DGKB: variants seen among roughly 807,000 people sequenced by gnomAD.
The protein encoded by DGKB is diacylglycerol kinase beta.
DGKB carries 67 observed loss-of-function variants against 114.3 expected under a neutral mutation model. That is an observed-to-expected ratio of 0.59 (90% CI 0.48 to 0.72). DGKB has a LOEUF of 0.72. DGKB is among the 30% of genes least tolerant of loss of function. The probability of loss-of-function intolerance (pLI) is 0.00; values close to 1 mark genes in which losing one functional copy is unlikely to be tolerated. For synonymous variants in DGKB, 398 were observed against 323.1 expected (o/e 1.23, Z -2.49); for missense variants, 907 against 975.2 (o/e 0.93, Z 0.93).
chr7:14,367,362 G>A (rs1474075406), intron 21 of DGKB, among the ~76,000 whole-genome samples: 1 of 151,960 alleles, frequency 6.6e-6, no homozygotes, highest in Non-Finnish European at 1.5e-5. Context: ...TTCCCATGCT[G>A]TTCTCCTGTT....
At chr7:14,813,900 T>A (rs1476223642) in intron 2 of DGKB, among the ~76,000 whole-genome samples, 1 of 152,192 alleles carries the variant, frequency 6.6e-6, no homozygotes, top group African/African-American at 2.4e-5. Context: ...ATGTGTTTGC[T>A]TTTGATGAAC....
chr7:14,952,546 T>TA (rs147939018), intron 1 of DGKB, among the ~76,000 whole-genome samples: 7,259 of 148,284 alleles, frequency 0.049, 493 homozygotes, highest in African/African-American at 0.16. Flanking sequence ...TCCTCAAAAT[T>TA]AAAAAAAAAA....
At position 14,908,862 on chromosome 7, in the gene DGKB, C is replaced by T. The variant is rs1279523023; in HGVS notation, c.-188+65834G>A. Among the ~76,000 whole-genome samples the T allele has an allele frequency of 2.0e-5, 3 of 152,124 alleles. No individual in the cohort carries two copies. In the East Asian group the frequency reaches 5.8e-4, roughly 29 times the overall value. On this transcript the variant is annotated intron_variant, in intron 1 of 4. Transcript: ENST00000437998. ...TTAACAAAGCACTTTGTTGAAAAAA[C>T]AGATGCTATATAATTGTGGAAATGT...
At chr7:14,814,395 G>C (rs553985453) in intron 2 of DGKB, among the ~76,000 whole-genome samples, 1 of 152,134 alleles carries the variant, frequency 6.6e-6, no homozygotes, top group African/African-American at 2.4e-5. Context: ...TTTTTATCAA[G>C]CCTGAAGCCT....
intron 2 of DGKB, among the ~76,000 whole-genome samples, chr7:14,801,925 TACACAC>T (rs142456381): frequency 4.1e-5 from 6 of 147,958 alleles, no homozygotes; most frequent in Non-Finnish European, 7.5e-5. Flanking sequence ...TATATACATA[TACACAC>T]ACACACACAC....
chr7:14,401,701 C>G (rs1228236222), intron 21 of DGKB, among the ~76,000 whole-genome samples: 1 of 151,696 alleles, frequency 6.6e-6, no homozygotes, highest in African/African-American at 2.4e-5. Context: ...TTAAATGTTT[C>G]AAATAATTGA....
At chr7:14,341,135 G>GA (rs915837634) in intron 22 of DGKB, among the ~76,000 whole-genome samples, 1 of 151,472 alleles carries the variant, frequency 6.6e-6, no homozygotes, top group Non-Finnish European at 1.5e-5. Flanking sequence ...TCTGAGAAGT[G>GA]AAAAAAAATT....
In DGKB at chr7:14,672,684, C is replaced by T. The variant is rs190743997; in HGVS notation, c.1134+245G>A. Among the ~76,000 whole-genome samples, 3 of 152,086 alleles carry T rather than the reference C, an allele frequency of 2.0e-5. No individual in the cohort carries two copies. In the East Asian group the frequency reaches 5.8e-4, roughly 29 times the overall value. ...TTACAATTCCTGGTAAGTAGCAGCA[C>T]GACTAAGTGATAAAACCTGAGTCAG... On this transcript the variant is annotated intron_variant, in intron 13 of 25. Coordinates refer to ENST00000402815, the MANE Select transcript of DGKB (RefSeq NM_001350709.2).
chr7:14,348,102 G>A (rs1469506491), intron 21 of DGKB, among the ~76,000 whole-genome samples: 1 of 151,912 alleles, frequency 6.6e-6, no homozygotes, highest in African/African-American at 2.4e-5. Flanking sequence ...ATGCAGAACA[G>A]TCCCGTCACC....
chr7:14,501,473 G>C lies in DGKB; in HGVS notation c.1771-23248C>G, dbSNP rs573688874. On this transcript the variant is annotated intron_variant, in intron 20 of 25. Transcript: ENST00000402815. The stretch of plus-strand genomic sequence containing the variant: ...TGATAGAAACAGTACAAAATGAAAA[G>C]AGGTTGTTGAACCTCCAACCTACTG... Among the ~76,000 whole-genome samples, 3 of 151,988 alleles carry C rather than the reference G, an allele frequency of 2.0e-5. No individual in the cohort carries two copies. The South Asian group carries it at 6.2e-4, about 31-fold the overall frequency.
At chr7:14,490,434 A>G (rs926921185) in intron 20 of DGKB, among the ~76,000 whole-genome samples, 1 of 152,166 alleles carries the variant, frequency 6.6e-6, no homozygotes. Flanking sequence ...ATCTCATTTC[A>G]TCTAGGCAGC....
intron 23 of DGKB, among the ~76,000 whole-genome samples, chr7:14,297,650 A>AAGGTGAGAG (rs1293199522): frequency 6.6e-6 from 1 of 152,176 alleles, no homozygotes; most frequent in African/African-American, 2.4e-5. Context: ...GGTGCAAGAC[A>AAGGTGAGAG]AGGATGCCCT....
chr7:14,661,533 A>G (rs1006148624), intron 13 of DGKB, among the ~76,000 whole-genome samples: 91 of 150,538 alleles, frequency 6.0e-4, no homozygotes, highest in African/African-American at 2.2e-3. Flanking sequence ...TAGAATGGCA[A>G]TCATTAAAAA....
intron 2 of DGKB, among the ~76,000 whole-genome samples, chr7:14,793,648 A>T (rs539550880): frequency 6.6e-6 from 1 of 152,318 alleles, no homozygotes; most frequent in South Asian, 2.1e-4. Flanking sequence ...CTCTGTGTTT[A>T]TGAAGAGTAT....
chr7:14,525,095 T>A (rs1443010401), intron 20 of DGKB, among the ~76,000 whole-genome samples: 1 of 152,170 alleles, frequency 6.6e-6, no homozygotes, highest in East Asian at 1.9e-4. Context: ...ATAAAAAGTT[T>A]GGGATTTTTT....
chr7:14,752,881 C>T (rs923159082), intron 4 of DGKB, among the ~76,000 whole-genome samples: 2 of 152,058 alleles, frequency 1.3e-5, no homozygotes, highest in Non-Finnish European at 2.9e-5. Flanking sequence ...ATCATTTACT[C>T]CAAGGGATTG....
At chr7:14,541,939 C>T (rs777980418) in intron 20 of DGKB, among the ~76,000 whole-genome samples, 1 of 152,166 alleles carries the variant, frequency 6.6e-6, no homozygotes, top group Non-Finnish European at 1.5e-5. Context: ...AGTTATCCTA[C>T]CCAATTTCCT....
At chr7:14,364,690 T>C (rs17775181) in intron 21 of DGKB, among the ~76,000 whole-genome samples, 5,746 of 152,082 alleles carry the variant, frequency 0.038, 165 homozygotes, top group Non-Finnish European at 0.055. Flanking sequence ...ATGAATCATA[T>C]GCAATAGTAA....
chr7:14,391,824 C>A (rs1821367662), intron 21 of DGKB, among the ~76,000 whole-genome samples: 1 of 152,124 alleles, frequency 6.6e-6, no homozygotes, highest in African/African-American at 2.4e-5. Flanking sequence ...ATGCAAAATG[C>A]TCACTGTATT....
Sources: gnomAD v4.1 joint callset for allele counts (sites outside exome capture counted in the v4.1 genomes callset) on GRCh38, gnomAD v4.1.1 for gene constraint, MANE v1.5 for transcripts, NCBI Gene and HGNC (gene_info 2026-07-23, HGNC 2026-07-21) for gene names.